The following SV2A variants were observed in gnomAD, a reference collection of about 807,000 sequenced individuals.
SV2A encodes the protein solute carrier family 22 member B1.
In SV2A, 25 loss-of-function variants were observed where a neutral mutation model predicts 78.0. The observed-to-expected ratio is 0.32, with a 90% CI of 0.23 to 0.45. The LOEUF is 0.45. Ranked by LOEUF, SV2A falls within the 20% of genes least tolerant of loss-of-function variation. The pLI, the probability that SV2A is intolerant of heterozygous loss-of-function variation, is 1.00. For synonymous variants in SV2A, 355 were observed against 384.7 expected (o/e 0.92, Z 0.90); for missense variants, 752 against 971.5 (o/e 0.77, Z 3.00).
intron 2 of SV2A, 65 bp downstream of exon 2, chr1:149,913,154 A>G (rs1423494920): frequency 1.6e-5 from 25 of 1,565,676 alleles, no homozygotes; most frequent in Non-Finnish European, 1.8e-5. Flanking sequence ...GGACAAGAGC[A>G]ATTTCCAGGA....
In SV2A at chr1:149,913,378, T is replaced by C. The variant is rs1553764048; in HGVS notation, c.463A>G (p.Ile155Val). 6.2e-7 allele frequency: 1 copy of C among 1,614,116 alleles called. No individual in the cohort carries two copies. ...CGGCCGTGGCCACACTCCCGTAGGA[T>C]GGCTTCATACTGTTGGGCCAGTTCT... Reference protein sequence around the residue: ...REELAQQYEAILRECGHGRFQ... With the variant: ...REELAQQYEAVLRECGHGRFQ... The change falls in exon 2 of 13, where the codon ATC (isoleucine) becomes GTC (valine). Residue 155 changes from isoleucine to valine, a missense_variant. Around this residue, in one of 7 missense-constraint regions of SV2A, gnomAD observed 291 missense variants for 359.5 expected, o/e 0.81. Transcript: ENST00000369146.
At chr1:149,907,053 C>T (rs2092443205) in intron 10 of SV2A, 197 bp from the exon 11 acceptor site, 3 of 913,828 alleles carry the variant, frequency 3.3e-6, no homozygotes, top group Non-Finnish European at 3.9e-6. Flanking sequence ...TGACCATCAT[C>T]TGTCCAACAG....
chr1:149,910,789 G>A lies in SV2A; in HGVS notation c.955+37C>T. The A allele has an allele frequency of 1.2e-6, 2 of 1,611,920 alleles. No individual in the cohort carries two copies. Among genetic ancestry groups the A allele is most frequent in the Non-Finnish European group, 8.5e-7 (1 of 1,178,264 alleles). ...GGGAGCACAGAAGAAGAGGGAGGAG[G>A]GAGATAACCTGGGGTGGATTTCCGG... On this transcript the variant is annotated intron_variant, in intron 4 of 12. Transcript: ENST00000369146. This position sits in a 1 kb window ranked among gnomAD's most constrained non-coding sequence, Gnocchi z 4.2.
chr1:149,905,742 C>G, intron 12 of SV2A, 138 bp downstream of exon 12: 1 of 1,282,866 alleles, frequency 7.8e-7, no homozygotes. Flanking sequence ...CGTGCCCGGC[C>G]AAAGCTACCA....
At chr1:149,915,392 T>A (rs1199829814) in intron 1 of SV2A, among the ~76,000 whole-genome samples, 2 of 151,972 alleles carry the variant, frequency 1.3e-5, no homozygotes, top group South Asian at 2.1e-4. Flanking sequence ...ATTAACTACC[T>A]CCAGAAGAAC....
rs782290455 is a variant in SV2A, at chr1:149,908,130, C to G, written c.1456G>C (p.Val486Leu). 1.6e-5 allele frequency: 26 copies of G among 1,614,202 alleles called. No individual in the cohort carries two copies. The highest frequency in any genetic ancestry group is 2.2e-5 in the Non-Finnish European group (26 of 1,180,046). The change falls in exon 9 of 13, where the codon GTG (valine) becomes CTG (leucine). Residue 486 changes from valine to leucine, a missense_variant. Around this residue, in one of 7 missense-constraint regions of SV2A, gnomAD observed 81 missense variants for 74.2 expected, o/e 1.09. Transcript: ENST00000369146. ...TGCTCTACGCGCTCCCCGGGGAACA[C>G]TTTGGTGCGGGATGCGTAGTCCACT... ...QAVDYASRTK[V>L]FPGERVEHVT...
At chr1:149,909,115 T>C in intron 8 of SV2A, 77 bp downstream of exon 8, 1 of 1,435,354 alleles carries the variant, frequency 7.0e-7, no homozygotes, top group Non-Finnish European at 9.8e-7. Flanking sequence ...CCCCTGCATC[T>C]CCATTCTCCC....
intron 12 of SV2A, 66 bp from the exon 13 acceptor site, chr1:149,905,263 G>A (rs1375934052): frequency 6.8e-7 from 1 of 1,468,290 alleles, no homozygotes; most frequent in South Asian, 1.3e-5. Flanking sequence ...AAGAGTGGAG[G>A]GCAGGGAAGT....
intron 12 of SV2A, chr1:149,905,571 A>T (rs1571494717): frequency 3.1e-6 from 1 of 320,368 alleles, no homozygotes; most frequent in East Asian, 6.9e-5. Context: ...CTCCTGCCTT[A>T]GCCTCCTGAG....
rs1378848531 is a variant in SV2A, at chr1:149,904,853, G to T, written c.*161C>A. On this transcript the variant is annotated 3_prime_UTR_variant, in exon 13 of 13. Transcript: ENST00000369146. ...CTTCCCTGTAGTCCCTGCCCACGGG[G>T]TTTACACACATGCACACGCACACGC... 2.6e-6 allele frequency: 2 copies of T among 772,986 alleles called. No homozygotes were observed. The highest frequency in any genetic ancestry group is 1.8e-5 in the African/African-American group (1 of 56,860). 47.9% of individuals were successfully genotyped at this position (772,986 alleles called of 1,614,324 possible).
intron 8 of SV2A, 85 bp downstream of exon 8, chr1:149,909,107 C>G: frequency 7.4e-7 from 1 of 1,356,806 alleles, no homozygotes; most frequent in South Asian, 1.2e-5. Flanking sequence ...TCGCTTGTCC[C>G]CTGCATCTCC....
At chr1:149,916,626 C>A (rs1288514602) in intron 1 of SV2A, among the ~76,000 whole-genome samples, 3 of 152,224 alleles carry the variant, frequency 2.0e-5, no homozygotes, top group African/African-American at 7.2e-5. Context: ...GAACCCCCCA[C>A]CCTCCCAGTC....
At chr1:149,913,129 G>A in intron 2 of SV2A, 90 bp downstream of exon 2, 8 of 1,519,150 alleles carry the variant, frequency 5.3e-6, no homozygotes, top group Non-Finnish European at 7.1e-6. Context: ...AGGGTCCTAG[G>A]GAACCCAGTG....
chr1:149,909,961 T>C, intron 5 of SV2A, 71 bp from the exon 6 acceptor site: 2 of 1,436,764 alleles, frequency 1.4e-6, no homozygotes, highest in Non-Finnish European at 9.7e-7. Context: ...ACCCCCTCCC[T>C]CCCACCTGGC....
In SV2A at chr1:149,908,223, A is replaced by C; in HGVS notation, c.1380-17T>G. 1 of 1,603,774 alleles carries C rather than the reference A, an allele frequency of 6.2e-7. No homozygotes were observed. Among genetic ancestry groups the C allele is most frequent in the East Asian group, 2.2e-5 (1 of 44,624 alleles). ...CCATAGTAGCTGAAGAGTCAAGGAC[A>C]ATGGAAACAGACAACAGGGCTTCAG... On this transcript the variant is annotated splice_polypyrimidine_tract_variant and intron_variant, in intron 8 of 12. Coordinates refer to ENST00000369146, the MANE Select transcript of SV2A (RefSeq NM_014849.5).
At chr1:149,916,967 G>T (rs1160410291) in intron 1 of SV2A, among the ~76,000 whole-genome samples, 1 of 151,978 alleles carries the variant, frequency 6.6e-6, no homozygotes, top group African/African-American at 2.4e-5. Flanking sequence ...AGAGACCTCC[G>T]CATGCACAGA....
At chr1:149,914,667 G>A (rs2092501673) in intron 1 of SV2A, among the ~76,000 whole-genome samples, 1 of 152,128 alleles carries the variant, frequency 6.6e-6, no homozygotes, top group African/African-American at 2.4e-5. Flanking sequence ...ATGTTTACAG[G>A]CTTCAACAAG....
chr1:149,907,806 C>T lies in SV2A; in HGVS notation c.1572G>A (p.Val524=), dbSNP rs1221846198. Reference sequence around the variant, plus strand: ...CTTCAAACAGGGAATCCTCAAAGGACACTGACTTGAGCCGCAGCCCAATGA... The same window carrying T: ...CTTCAAACAGGGAATCCTCAAAGGATACTGACTTGAGCCGCAGCCCAATGA... ...DKFIGLRLKS[V]SFEDSLFEEC... Residue 524 remains valine, a synonymous_variant, in exon 10 of 13, where the codon GTG becomes GTA. Coordinates refer to ENST00000369146, the MANE Select transcript of SV2A (RefSeq NM_014849.5). The T allele has an allele frequency of 5.0e-6, 8 of 1,614,032 alleles. No individual in the cohort carries two copies. The highest frequency in any genetic ancestry group is 6.8e-6 in the Non-Finnish European group (8 of 1,180,032).
chr1:149,915,618 A>G (rs1241807479), intron 1 of SV2A, among the ~76,000 whole-genome samples: 1 of 152,174 alleles, frequency 6.6e-6, no homozygotes, highest in African/African-American at 2.4e-5. Flanking sequence ...CCATCCCTCC[A>G]GGGCCTCCCT....
Sources: allele counts gnomAD v4.1 joint callset (sites outside exome capture counted in the v4.1 genomes callset), GRCh38; gene constraint gnomAD v4.1.1; regional missense constraint gnomAD v4.1.1; non-coding constraint Gnocchi (gnomAD v3.1); transcripts MANE v1.5; gene names NCBI Gene and HGNC (gene_info 2026-07-23, HGNC 2026-07-21).